LUZP2: variants seen among roughly 807,000 people sequenced by gnomAD.
LUZP2 encodes the protein leucine zipper protein 2.
A neutral mutation model predicts 51.6 loss-of-function variants in LUZP2; 52 were observed. The observed-to-expected ratio is 1.01, with a 90% CI of 0.81 to 1.27. The LOEUF (loss-of-function observed/expected upper bound fraction) is 1.27, where lower values mean the gene tolerates loss of function less well. LUZP2 is among the 50% of genes most tolerant of loss of function. The pLI is 0.00. For synonymous variants in LUZP2, 154 were observed against 137.3 expected, an observed-to-expected ratio of 1.12 and a Z score of -0.85; for missense variants, 436 against 395.4, an observed-to-expected ratio of 1.10 and a Z score of -0.87.
At chr11:24,822,882 C>T (rs1012593530) in intron 5 of LUZP2, among the ~76,000 whole-genome samples, 4 of 152,144 alleles carry the variant, frequency 2.6e-5, no homozygotes, top group Non-Finnish European at 4.4e-5. Flanking sequence ...TTAAAATTTA[C>T]ACCACAAAAT....
chr11:24,975,081 A>G (rs1392776495), intron 7 of LUZP2, among the ~76,000 whole-genome samples: 1 of 152,000 alleles, frequency 6.6e-6, no homozygotes, highest in Non-Finnish European at 1.5e-5. Context: ...ATGTTGATTA[A>G]TATAACCTCT....
intron 5 of LUZP2, among the ~76,000 whole-genome samples, chr11:24,837,253 TG>T (rs1850888305): frequency 6.6e-6 from 1 of 151,788 alleles, no homozygotes; most frequent in Admixed American, 6.6e-5. Context: ...TGTTAAACTA[TG>T]TTAAATAAGA....
At chr11:24,951,326 C>T (rs1007103196) in intron 7 of LUZP2, among the ~76,000 whole-genome samples, 6 of 151,412 alleles carry the variant, frequency 4.0e-5, no homozygotes, top group African/African-American at 1.5e-4. Flanking sequence ...AATGTCAGCA[C>T]AATTCTTGGC....
intron 1 of LUZP2, among the ~76,000 whole-genome samples, chr11:24,683,436 A>G (rs1035602469): frequency 2.0e-5 from 3 of 152,184 alleles, no homozygotes; most frequent in African/African-American, 7.2e-5. Context: ...TACTGAAAAC[A>G]TGTTCATCTA....
At chr11:24,664,042 G>A (rs1287217911) in intron 1 of LUZP2, among the ~76,000 whole-genome samples, 4 of 152,078 alleles carry the variant, frequency 2.6e-5, no homozygotes, top group Non-Finnish European at 4.4e-5. Flanking sequence ...CAGGTAGAAC[G>A]GTGTTGCTAT....
At chr11:24,659,649 C>G (rs1037861245) in intron 1 of LUZP2, among the ~76,000 whole-genome samples, 3 of 151,556 alleles carry the variant, frequency 2.0e-5, no homozygotes, top group African/African-American at 4.9e-5. Flanking sequence ...GCCTATGGAA[C>G]TCACAATATA....
intron 1 of LUZP2, among the ~76,000 whole-genome samples, chr11:24,669,998 T>TA (rs1007124090): frequency 4.6e-5 from 7 of 151,960 alleles, no homozygotes; most frequent in South Asian, 2.1e-4. Flanking sequence ...CATTCTGAAT[T>TA]AAAAAAAACT....
At chr11:24,755,780 C>T (rs1460287485) in intron 4 of LUZP2, among the ~76,000 whole-genome samples, 2 of 152,130 alleles carry the variant, frequency 1.3e-5, no homozygotes, top group East Asian at 3.9e-4. Flanking sequence ...AGCAACATTC[C>T]AACCTGACTT....
chr11:24,753,241 A>G (rs1859657717), intron 4 of LUZP2, among the ~76,000 whole-genome samples: 1 of 152,150 alleles, frequency 6.6e-6, no homozygotes, highest in Non-Finnish European at 1.5e-5. Flanking sequence ...TTTGTTATAA[A>G]AGAGATAATG....
chr11:24,687,773 C>A (rs983713196), intron 1 of LUZP2, among the ~76,000 whole-genome samples: 1 of 152,144 alleles, frequency 6.6e-6, no homozygotes, highest in Non-Finnish European at 1.5e-5. Context: ...TGCCTTTTCC[C>A]CAGAGCTGGT....
chr11:24,695,026 T>C (rs906287937), intron 1 of LUZP2, among the ~76,000 whole-genome samples: 5 of 151,964 alleles, frequency 3.3e-5, no homozygotes, highest in African/African-American at 1.2e-4. Context: ...CAAACCACCA[T>C]GGTACATGTA....
intron 7 of LUZP2, among the ~76,000 whole-genome samples, chr11:24,932,194 G>T (rs541047364): frequency 5.9e-5 from 9 of 152,292 alleles, no homozygotes; most frequent in African/African-American, 2.2e-4. Context: ...AGGGTTCTTG[G>T]TTATAGTTTT....
At chr11:24,733,852 A>G (rs1754660151) in intron 3 of LUZP2, among the ~76,000 whole-genome samples, 1 of 151,784 alleles carries the variant, frequency 6.6e-6, no homozygotes, top group African/African-American at 2.4e-5. Flanking sequence ...CAAAAATAGA[A>G]AAACAAAAAT....
At chr11:24,697,342 T>G (rs1376895223) in intron 1 of LUZP2, among the ~76,000 whole-genome samples, 1 of 152,134 alleles carries the variant, frequency 6.6e-6, no homozygotes, top group Admixed American at 6.6e-5. Flanking sequence ...CTTTAAAAAG[T>G]TTGTAGAAAA....
At chr11:25,028,086 G>T (rs1363485030) in intron 9 of LUZP2, among the ~76,000 whole-genome samples, 1 of 152,160 alleles carries the variant, frequency 6.6e-6, no homozygotes, top group African/African-American at 2.4e-5. Context: ...GGGGGTACTA[G>T]TAGGTGTGTA....
chr11:24,831,740 G>A (rs576770758), intron 5 of LUZP2, among the ~76,000 whole-genome samples: 55 of 152,124 alleles, frequency 3.6e-4, no homozygotes, highest in Non-Finnish European at 7.2e-4. Context: ...AGAAAGCAAA[G>A]CACACCAGCA....
intron 1 of LUZP2, among the ~76,000 whole-genome samples, chr11:24,558,357 A>C (rs533866294): frequency 7.2e-4 from 104 of 144,598 alleles, no homozygotes; most frequent in African/African-American, 2.6e-3. Context: ...AAGTGAGCCA[A>C]TTCTCCTAAT....
Position 24,944,219 on chromosome 11 carries a change from T to C in LUZP2, c.522+29681T>C, listed in dbSNP as rs911560470. ...AAGGGGTCAAAGGCATAAATATTTTTTGAAGCTCCTCGGTTAACTTAATAT... is the reference window on the plus strand; with the variant it reads ...AAGGGGTCAAAGGCATAAATATTTTCTGAAGCTCCTCGGTTAACTTAATAT... On this transcript the variant is annotated intron_variant, in intron 7 of 11. Coordinates refer to ENST00000336930, the MANE Select transcript of LUZP2 (RefSeq NM_001009909.4). 3.9e-5 allele frequency among the ~76,000 whole-genome samples: 6 copies of C among 152,276 alleles called. No homozygotes were observed. The East Asian group carries it at 5.8e-4, about 15-fold the overall frequency.
chr11:24,778,149 C>T (rs527820789), intron 5 of LUZP2, among the ~76,000 whole-genome samples: 4 of 152,060 alleles, frequency 2.6e-5, no homozygotes, highest in Non-Finnish European at 5.9e-5. Flanking sequence ...GCCTGGAATC[C>T]CAGCAGTTTT....
Sources: allele counts gnomAD v4.1 joint callset (sites outside exome capture counted in the v4.1 genomes callset), GRCh38; gene constraint gnomAD v4.1.1; transcripts MANE v1.5; gene names NCBI Gene and HGNC (gene_info 2026-07-23, HGNC 2026-07-21).